The following UACA variants were observed in gnomAD, a reference collection of about 807,000 sequenced individuals.
The protein encoded by UACA is nuclear membrane binding protein.
Under a neutral mutation model 160.5 loss-of-function variants are expected in UACA, and 112 were observed. The ratio of observed to expected loss-of-function variants is 0.70; its 90% CI spans 0.60 to 0.82. The LOEUF is 0.82. Ranked by LOEUF, UACA falls within the 40% of genes least tolerant of loss-of-function variation. The probability of loss-of-function intolerance (pLI) is 0.00; values close to 1 mark genes in which losing one functional copy is unlikely to be tolerated. For synonymous variants in UACA, 557 were observed against 568.4 expected, an observed-to-expected ratio of 0.98 and a Z score of 0.29; for missense variants, 1,574 against 1,614.6, an observed-to-expected ratio of 0.97 and a Z score of 0.43.
At chr15:70,665,651 G>A (rs1051158190) in intron 16 of UACA, among the ~76,000 whole-genome samples, 3 of 151,896 alleles carry the variant, frequency 2.0e-5, no homozygotes, top group African/African-American at 7.3e-5. Context: ...ACATGCACCC[G>A]CTCAATAAAT....
At chr15:70,744,060 C>T (rs957112446) in intron 1 of UACA, among the ~76,000 whole-genome samples, 5 of 151,642 alleles carry the variant, frequency 3.3e-5, no homozygotes, top group Non-Finnish European at 7.4e-5. Context: ...CTGGCTAACA[C>T]GGTGAAACCC....
the UACA span, among the ~76,000 whole-genome samples, chr15:70,772,416 C>A: frequency 3.8e-3 from 572 of 150,058 alleles, 5 homozygotes; most frequent in African/African-American, 0.013. Context: ...TGGCATGAAC[C>A]CAGGAGGCGG....
chr15:70,740,812 C>T (rs1012179226), intron 1 of UACA, among the ~76,000 whole-genome samples: 3 of 152,054 alleles, frequency 2.0e-5, no homozygotes, highest in Non-Finnish European at 2.9e-5. Context: ...GAGGCCCAGG[C>T]GGGCAGATCA....
At chr15:70,673,862 G>C (rs1220946979) in intron 13 of UACA, among the ~76,000 whole-genome samples, 7 of 151,922 alleles carry the variant, frequency 4.6e-5, no homozygotes, top group African/African-American at 1.7e-4. Context: ...TTTGTTGGTT[G>C]GTTGGTTGGT....
intron 1 of UACA, among the ~76,000 whole-genome samples, chr15:70,709,146 G>A (rs545679031): frequency 3.3e-5 from 5 of 152,156 alleles, no homozygotes; most frequent in Admixed American, 3.3e-4. Context: ...TACTTACAAG[G>A]CAAGCCCCAT....
chr15:70,687,470 G>A lies in UACA; in HGVS notation c.602+70C>T, dbSNP rs1156969703. ...AAAGGCCAAGTCAGAGAACAGAGCTGCTGCTTTGACTTGGCCTTTCCATCC... is the reference window on the plus strand; with the variant it reads ...AAAGGCCAAGTCAGAGAACAGAGCTACTGCTTTGACTTGGCCTTTCCATCC... On this transcript the variant is annotated intron_variant, in intron 7 of 18. Coordinates refer to ENST00000322954, the MANE Select transcript of UACA (RefSeq NM_018003.4). 7 of 1,426,952 alleles carry A rather than the reference G, an allele frequency of 4.9e-6. No individual in the cohort carries two copies. In the Admixed American group the frequency reaches 1.0e-4, roughly 21 times the overall value. 88.4% of individuals were successfully genotyped at this position (1,426,952 alleles called of 1,614,324 possible).
At chr15:70,706,092 ATCTTTAT>A (rs1214155965) in intron 1 of UACA, among the ~76,000 whole-genome samples, 1 of 152,184 alleles carries the variant, frequency 6.6e-6, no homozygotes, top group Non-Finnish European at 1.5e-5. Context: ...CAACTGTATA[ATCTTTAT>A]TCCTGGAATG....
At chr15:70,775,632 T>C in the UACA span, among the ~76,000 whole-genome samples, 1 of 152,206 alleles carries the variant, frequency 6.6e-6, no homozygotes, top group Admixed American at 6.5e-5. Flanking sequence ...TTCTCTCTTT[T>C]TTTCCAAAGT....
In UACA at chr15:70,664,805, G is replaced by C; in HGVS notation, c.3970C>G (p.Leu1324Val). The change falls in exon 17 of 19, where the codon CTG (leucine) becomes GTG (valine). Residue 1324 changes from leucine to valine, a missense_variant. Coordinates refer to ENST00000322954, the MANE Select transcript of UACA (RefSeq NM_018003.4). ...TTTAATCTTTCCACATCATTAAGCA[G>C]TTCAGTTATCTTTAAAAAAATGTTG... Reference protein sequence around the residue: ...IEAKDNKITELLNDVERLKQA... With the variant: ...IEAKDNKITEVLNDVERLKQA... 6.2e-7 allele frequency: 1 copy of C among 1,609,094 alleles called. No individual in the cohort carries two copies. The highest frequency in any genetic ancestry group is 1.1e-5 in the South Asian group (1 of 90,392).
intron 1 of UACA, among the ~76,000 whole-genome samples, chr15:70,737,247 G>A (rs151294928): frequency 1.5e-4 from 23 of 152,276 alleles, no homozygotes; most frequent in African/African-American, 5.5e-4. Flanking sequence ...AACTATTCCT[G>A]TATTATCAAC....
chr15:70,661,360 C>T (rs1301152675), intron 17 of UACA: 2 of 152,070 alleles, frequency 1.3e-5, no homozygotes, highest in African/African-American at 2.4e-5. Flanking sequence ...CCCAGAACTC[C>T]TTGGGGACAG....
At chr15:70,759,817 C>A (rs1417904275) in intron 1 of UACA, among the ~76,000 whole-genome samples, 4 of 152,198 alleles carry the variant, frequency 2.6e-5, no homozygotes, top group Non-Finnish European at 5.9e-5. Context: ...TACAAACATT[C>A]CCATTTAGTA....
chr15:70,768,257 A>T (rs1595933840), upstream of UACA: 1 of 152,146 alleles, frequency 6.6e-6, no homozygotes, highest in African/African-American at 2.4e-5. Flanking sequence ...TCTTGAGTTT[A>T]CCACTTATCT....
rs370445328 is a variant in UACA, at chr15:70,690,509, G to C, written c.369C>G (p.Tyr123Ter). The C allele has an allele frequency of 2.5e-6, 4 of 1,611,930 alleles. No homozygotes were observed. The change falls in exon 5 of 19, where the codon TAC (tyrosine) becomes TAG (stop). Residue 123 changes from tyrosine (Y) to a stop codon, truncating the protein, a stop_gained and splice_region_variant. Transcript: ENST00000322954. LOFTEE classifies it high-confidence loss of function. ...GGTCTGCATGCTCAGTGGGACAATT[G>C]TACTGTTAAAGTAAAGAAAACTTAG... The part of the protein sequence containing the change: ...HALCLQKLLQ[Y>*]NCPTEHADLQ...
the UACA span, among the ~76,000 whole-genome samples, chr15:70,778,563 G>T: frequency 6.6e-6 from 1 of 152,086 alleles, no homozygotes; most frequent in Non-Finnish European, 1.5e-5. Context: ...TTATTTTAAG[G>T]AGGCAGGTGA....
At chr15:70,747,620 GA>G in intron 1 of UACA, among the ~76,000 whole-genome samples, 1 of 152,192 alleles carries the variant, frequency 6.6e-6, no homozygotes, top group East Asian at 1.9e-4. Flanking sequence ...TGGTAGGGTA[GA>G]AAAGCAAGTG....
At chr15:70,670,809 T>A (rs892329597) in intron 15 of UACA, among the ~76,000 whole-genome samples, 1 of 152,148 alleles carries the variant, frequency 6.6e-6, no homozygotes, top group Admixed American at 6.5e-5. Flanking sequence ...AAACTATAAT[T>A]CAAATCTCTT....
At chr15:70,682,500 G>A (rs935090405) in intron 9 of UACA, among the ~76,000 whole-genome samples, 2 of 152,070 alleles carry the variant, frequency 1.3e-5, no homozygotes, top group East Asian at 1.9e-4. Flanking sequence ...GAATGCTCAC[G>A]GCCCTAATCA....
At chr15:70,748,451 C>T (rs1318836480) in intron 1 of UACA, among the ~76,000 whole-genome samples, 3 of 152,118 alleles carry the variant, frequency 2.0e-5, no homozygotes, top group African/African-American at 4.8e-5. Context: ...AGCAGTGAAG[C>T]CTGGGGCATG....
Sources: allele counts gnomAD v4.1 joint callset (sites outside exome capture counted in the v4.1 genomes callset), GRCh38; gene constraint gnomAD v4.1.1; transcripts MANE v1.5; gene names NCBI Gene and HGNC (gene_info 2026-07-23, HGNC 2026-07-21).